The following TMEM237 variants were observed in gnomAD, a reference collection of about 807,000 sequenced individuals.
The protein encoded by TMEM237 is transmembrane protein 237.
A neutral mutation model predicts 59.1 loss-of-function variants in TMEM237; 51 were observed. The ratio of observed to expected loss-of-function variants is 0.86; its 90% CI spans 0.69 to 1.09. The LOEUF (loss-of-function observed/expected upper bound fraction) is 1.09. Ranked by LOEUF, TMEM237 falls within the 50% of genes least tolerant of loss-of-function variation. The probability of loss-of-function intolerance (pLI) is 0.00; values close to 1 mark genes in which losing one functional copy is unlikely to be tolerated. For synonymous variants in TMEM237, 140 were observed against 166.1 expected (o/e 0.84, Z 1.21); for missense variants, 475 against 478.3 (o/e 0.99, Z 0.06).
At chr2:201,632,382 T>C (rs889079746) in intron 6 of TMEM237, among the ~76,000 whole-genome samples, 174 bp from the exon 7 acceptor site, 3 of 152,222 alleles carry the variant, frequency 2.0e-5, no homozygotes, top group Admixed American at 1.3e-4. Context: ...TACTTACATT[T>C]CTGAGGGCTT....
At chr2:201,640,398 T>TA in intron 2 of TMEM237, 133 bp from the exon 3 acceptor site, 1 of 867,226 alleles carries the variant, frequency 1.2e-6, no homozygotes, top group Non-Finnish European at 1.7e-6. Flanking sequence ...TAAAATTAGC[T>TA]TTCACATAAT....
rs1305623874 is a variant in TMEM237 at position 201,627,399 on chromosome 2, A to G, written c.959T>C (p.Leu320Pro). The change falls in exon 11 of 13, where the codon CTT becomes CCT. Residue 320 changes from leucine to proline, a missense_variant. By Grantham distance (98) the Leu-to-Pro change is moderately conservative. Coordinates refer to ENST00000409883, the MANE Select transcript of TMEM237 (RefSeq NM_001044385.3). ...CATTTGCTGACTCAGAGATAGTATA[A>G]GAGCAGTAAAGTACACTGAGAAAAA... is the stretch of plus-strand genomic sequence containing the variant. Reference protein sequence around the residue: ...ALASFLYFTALILSLSQQMTS... With the variant: ...ALASFLYFTAPILSLSQQMTS... 1 of 1,598,348 alleles carries G rather than the reference A, an allele frequency of 6.3e-7. No individual in the cohort carries two copies. Among genetic ancestry groups the G allele is most frequent in the East Asian group, 2.2e-5 (1 of 44,596 alleles).
chr2:201,643,062 C>T lies in TMEM237; in HGVS notation c.42+297G>A. ...AGAGGCCTGGCTGGAAGCCCCGGCA[C>T]CCGCCGGGCCCCGGGCCTCAGATGA... is the stretch of plus-strand genomic sequence containing the variant. On this transcript the variant is annotated intron_variant, in intron 1 of 12. Transcript: ENST00000409883. This position sits in a 1 kb window ranked among gnomAD's most constrained non-coding sequence, Gnocchi z 4.3. 7 of 1,163,484 alleles carry T rather than the reference C, an allele frequency of 6.0e-6. No homozygotes were observed. Among genetic ancestry groups the T allele is most frequent in the Non-Finnish European group, 6.7e-6 (6 of 894,044 alleles). The allele number at this position is 1,163,484 out of a possible 1,614,324, so 72.1% of individuals were successfully genotyped here.
rs898448400 is a variant in TMEM237 at position 201,635,064 on chromosome 2, T to A, written c.275-1633A>T. Among the ~76,000 whole-genome samples, 11 of 152,152 alleles carry A rather than the reference T, an allele frequency of 7.2e-5. No individual in the cohort carries two copies. Among genetic ancestry groups the A allele is most frequent in the African/African-American group, 2.4e-4 (10 of 41,424 alleles). ...GTCATAATGCTCAAAATATAAAAAA[T>A]TAGTAAAATAAATGAAGGAAGAAAA... On this transcript the variant is annotated intron_variant, in intron 5 of 12. Transcript: ENST00000409883. The surrounding 1 kb of genome is among the most constrained non-coding windows in gnomAD (Gnocchi z 4.5).
rs1211023201 is a variant in TMEM237, at chr2:201,635,220, A to G, written c.274+1528T>C. On this transcript the variant is annotated intron_variant, in intron 5 of 12. Transcript: ENST00000409883. This position sits in a 1 kb window ranked among gnomAD's most constrained non-coding sequence, Gnocchi z 4.5. ...GTTGAACTGTGCTCCAAAAAGAGAT[A>G]TGTTCAAGTCCTAACTCATAATACC... Among the ~76,000 whole-genome samples the G allele has an allele frequency of 2.0e-5, 3 of 152,248 alleles. No homozygotes were observed. Among genetic ancestry groups the G allele is most frequent in the Non-Finnish European group, 4.4e-5 (3 of 68,040 alleles).
In TMEM237 at chr2:201,643,287, CA is replaced by C; in HGVS notation, c.42+71del. The C allele has an allele frequency of 2.1e-6, 3 of 1,406,970 alleles. No individual in the cohort carries two copies. The highest frequency in any genetic ancestry group is 2.9e-6 in the Non-Finnish European group (3 of 1,023,066). The allele number at this position is 1,406,970 out of a possible 1,614,324, so 87.2% of individuals were successfully genotyped here. On this transcript the variant is annotated intron_variant, in intron 1 of 12. Transcript: ENST00000409883. This position sits in a 1 kb window ranked among gnomAD's most constrained non-coding sequence, Gnocchi z 4.3. The stretch of plus-strand genomic sequence containing the variant: ...CAGCTCGTTGGCGCCCCCCCACACA[CA>C]CCCACCCCCACTGCCAAGTGTAGCT...
intron 7 of TMEM237, chr2:201,630,834 C>G (rs576885795): frequency 6.6e-6 from 1 of 152,144 alleles, no homozygotes; most frequent in African/African-American, 2.4e-5. Context: ...GGTAAGTCAG[C>G]CTCTCTAGAC....
rs1419266315 is a variant in TMEM237 at position 201,636,685 on chromosome 2, GT to G, written c.274+62del. On this transcript the variant is annotated intron_variant, in intron 5 of 12. Transcript: ENST00000409883. ...GGGGGAAAGAAATGAAAGCAGAGAG[GT>G]TTTTATCATGTCATCAAAATCACAA... 7 of 1,524,704 alleles carry G rather than the reference GT, an allele frequency of 4.6e-6. No individual in the cohort carries two copies. In the East Asian group the frequency reaches 1.5e-4, roughly 32 times the overall value. The allele number at this position is 1,524,704 out of a possible 1,614,324, so 94.4% of individuals were successfully genotyped here.
chr2:201,626,280 T>C (rs1574577900), intron 11 of TMEM237, 133 bp from the exon 12 acceptor site: 5 of 992,122 alleles, frequency 5.0e-6, no homozygotes, highest in Middle Eastern at 2.3e-4. Context: ...TGAAAGAAAA[T>C]ATAATTTCCC....
chr2:201,634,192 G>A (rs1029587467), intron 5 of TMEM237, among the ~76,000 whole-genome samples: 3 of 152,128 alleles, frequency 2.0e-5, no homozygotes, highest in African/African-American at 7.2e-5. Flanking sequence ...TCTCAGGTCT[G>A]CTATATTAAC....
intron 6 of TMEM237, among the ~76,000 whole-genome samples, chr2:201,632,487 G>T (rs1395286898): frequency 6.6e-6 from 1 of 152,122 alleles, no homozygotes; most frequent in Admixed American, 6.5e-5. Context: ...TACTGATAAG[G>T]TTTGGCTATG....
chr2:201,642,993 A>C, intron 1 of TMEM237: 1 of 1,297,774 alleles, frequency 7.7e-7, no homozygotes, highest in Non-Finnish European at 9.7e-7. Flanking sequence ...AGGCGAACAG[A>C]TCTCTTCTGG....
chr2:201,641,540 T>G (rs1337648995), intron 1 of TMEM237, among the ~76,000 whole-genome samples: 1 of 151,982 alleles, frequency 6.6e-6, no homozygotes, highest in African/African-American at 2.4e-5. Context: ...ATGAACACAA[T>G]GGAGAGAACT....
intron 10 of TMEM237, 66 bp downstream of exon 10, chr2:201,628,010 A>T: frequency 8.4e-7 from 1 of 1,186,986 alleles, no homozygotes; most frequent in Non-Finnish European, 1.2e-6. Flanking sequence ...AATTATATTT[A>T]TCCTGGTTCA....
At chr2:201,629,169 C>T in intron 9 of TMEM237, 61 bp downstream of exon 9, 1 of 1,274,236 alleles carries the variant, frequency 7.8e-7, no homozygotes, top group Non-Finnish European at 1.0e-6. Context: ...TGGTCAGTGA[C>T]ACATTTTGCT....
chr2:201,627,945 C>G lies in TMEM237; in HGVS notation c.943+131G>C, dbSNP rs1957773280. 9.4e-6 allele frequency: 5 copies of G among 529,616 alleles called. No individual in the cohort carries two copies. In the East Asian group the frequency reaches 1.5e-4, roughly 16 times the overall value. The allele number at this position is 529,616 out of a possible 1,614,324, so 32.8% of individuals were successfully genotyped here. ...CCTTTTATGTTTCTAATTACAAATTCACTGAACATCTATAGGTAATGTTTA... is the reference window on the plus strand; with the variant it reads ...CCTTTTATGTTTCTAATTACAAATTGACTGAACATCTATAGGTAATGTTTA... On this transcript the variant is annotated intron_variant, in intron 10 of 12. Transcript: ENST00000409883.
rs909598569 is a variant in TMEM237, at chr2:201,620,559, G to A, written c.*3696C>T. On this transcript the variant is annotated 3_prime_UTR_variant, in exon 13 of 13. Coordinates refer to ENST00000409883, the MANE Select transcript of TMEM237 (RefSeq NM_001044385.3). ...ATACAGGGAGGTCAAGGAAGACAAC[G>A]GTTTTTAAAGCAAAAATGATTGTTT... 1 of 152,126 alleles carries A rather than the reference G, an allele frequency of 6.6e-6. No homozygotes were observed. The highest frequency in any genetic ancestry group is 1.9e-4 in the East Asian group (1 of 5,200). The allele number at this position is 152,126 out of a possible 1,614,324, so 9.4% of individuals were successfully genotyped here.
intron 5 of TMEM237, chr2:201,634,898 A>C (rs1047155588): frequency 1.1e-5 from 5 of 450,762 alleles, no homozygotes; most frequent in Non-Finnish European, 2.3e-5. Flanking sequence ...CGTTTTCTAG[A>C]AGGACAAGTA....
chr2:201,620,226 T>C lies in TMEM237; in HGVS notation c.*4029A>G, dbSNP rs915842586. The C allele has an allele frequency of 2.0e-5, 3 of 152,214 alleles. No homozygotes were observed. The highest frequency in any genetic ancestry group is 4.8e-5 in the African/African-American group (2 of 41,458). 9.4% of individuals were successfully genotyped at this position (152,214 alleles called of 1,614,324 possible). On this transcript the variant is annotated 3_prime_UTR_variant, in exon 13 of 13. Coordinates refer to ENST00000409883, the MANE Select transcript of TMEM237 (RefSeq NM_001044385.3). The stretch of plus-strand genomic sequence containing the variant: ...TCTTTATTGTACATAAAAATCTGAA[T>C]TTCTTAATATGGAAACCAAAGGTCT...
Sources: allele counts gnomAD v4.1 joint callset (sites outside exome capture counted in the v4.1 genomes callset), GRCh38; gene constraint gnomAD v4.1.1; non-coding constraint Gnocchi (gnomAD v3.1); transcripts MANE v1.5; gene names NCBI Gene and HGNC (gene_info 2026-07-23, HGNC 2026-07-21).